Variants in MEF2A observed in about 807,000 individuals in gnomAD.
MEF2A encodes myocyte enhancer factor 2A.
Under a neutral mutation model 55.8 loss-of-function variants are expected in MEF2A, and 28 were observed. That is an observed-to-expected ratio of 0.50 (90% CI 0.37 to 0.69). The LOEUF is 0.69. Ranked by LOEUF, MEF2A falls within the 30% of genes least tolerant of loss-of-function variation. The pLI is 0.00. For missense variants in MEF2A, 528 were observed against 626.2 expected (o/e 0.84, Z 1.67); for synonymous variants, 239 against 227.1 (o/e 1.05, Z -0.47).
At chr15:99,654,863 AC>A (rs1257906438) in intron 4 of MEF2A, among the ~76,000 whole-genome samples, 1 of 152,018 alleles carries the variant, frequency 6.6e-6, no homozygotes, top group African/African-American at 2.4e-5. Context: ...CAACTGAAAA[AC>A]CTGAGTTTTT....
chr15:99,705,889 G>A (rs1404805906), intron 9 of MEF2A, among the ~76,000 whole-genome samples: 1 of 152,192 alleles, frequency 6.6e-6, no homozygotes, highest in Non-Finnish European at 1.5e-5. Context: ...AGTCTGTTGT[G>A]TTCCTCTGAT....
intron 2 of MEF2A, among the ~76,000 whole-genome samples, chr15:99,619,762 A>G (rs1386729607): frequency 6.6e-6 from 1 of 152,204 alleles, no homozygotes; most frequent in African/African-American, 2.4e-5. Flanking sequence ...TGGTACATAT[A>G]ATGCATATAA....
chr15:99,700,614 T>A (rs2057279966), intron 8 of MEF2A, among the ~76,000 whole-genome samples: 2 of 152,162 alleles, frequency 1.3e-5, no homozygotes, highest in Admixed American at 6.5e-5. Context: ...TAGCATCCAG[T>A]AACTGAACAT....
intron 8 of MEF2A, among the ~76,000 whole-genome samples, chr15:99,701,808 A>G (rs1197212654): frequency 1.3e-5 from 2 of 152,254 alleles, no homozygotes; most frequent in African/African-American, 2.4e-5. Context: ...CCTTTCAGGT[A>G]CTGGATATGC....
chr15:99,597,358 GCT>G, intron 1 of MEF2A, among the ~76,000 whole-genome samples: 1 of 152,030 alleles, frequency 6.6e-6, no homozygotes, highest in Admixed American at 6.6e-5. Context: ...CTCCCATAGC[GCT>G]CCCAGGCTCA....
chr15:99,658,917 C>T lies in MEF2A; in HGVS notation c.259-12406C>T, dbSNP rs370154250. On this transcript the variant is annotated intron_variant, in intron 4 of 11. Transcript: ENST00000557942. The stretch of plus-strand genomic sequence containing the variant: ...GGCTGCCATGGTAAGCAGTCTTCAT[C>T]GAATGACCAGATGATCTCTACAGTC... Among the ~76,000 whole-genome samples the T allele has an allele frequency of 4.6e-5, 7 of 151,856 alleles. No homozygotes were observed. In the East Asian group the frequency reaches 7.7e-4, roughly 17 times the overall value.
At chr15:99,592,116 G>A (rs1014499916) in intron 1 of MEF2A, among the ~76,000 whole-genome samples, 2 of 151,630 alleles carry the variant, frequency 1.3e-5, no homozygotes, top group African/African-American at 2.4e-5. Flanking sequence ...TCTTGCAGAC[G>A]TGTATGAACC....
intron 1 of MEF2A, among the ~76,000 whole-genome samples, chr15:99,569,434 T>A (rs567511971): frequency 6.6e-6 from 1 of 152,370 alleles, no homozygotes; most frequent in African/African-American, 2.4e-5. Context: ...TTAATGTGTT[T>A]GTTTTGGATA....
At chr15:99,670,242 CTG>C (rs904735111) in intron 4 of MEF2A, among the ~76,000 whole-genome samples, 27 of 152,220 alleles carry the variant, frequency 1.8e-4, no homozygotes, top group African/African-American at 5.5e-4. Context: ...AGAAAACCAA[CTG>C]TTTTTTGCAT....
At chr15:99,686,417 G>A (rs1307121182) in intron 7 of MEF2A, among the ~76,000 whole-genome samples, 1 of 152,130 alleles carries the variant, frequency 6.6e-6, no homozygotes, top group East Asian at 1.9e-4. Context: ...TGGCTTAGTA[G>A]TGGTGAATTC....
chr15:99,595,489 G>T (rs1970849923), intron 1 of MEF2A, among the ~76,000 whole-genome samples: 2 of 152,086 alleles, frequency 1.3e-5, no homozygotes, highest in Non-Finnish European at 2.9e-5. Context: ...CAGGAATAGG[G>T]ATAGGGATTG....
At chr15:99,648,030 A>G (rs2046259561) in intron 4 of MEF2A, among the ~76,000 whole-genome samples, 1 of 152,176 alleles carries the variant, frequency 6.6e-6, no homozygotes, top group African/African-American at 2.4e-5. Context: ...CCAGTAGTGT[A>G]ATGGCTTACG....
At chr15:99,690,652 C>A (rs545014708) in intron 8 of MEF2A, 6 of 642,030 alleles carry the variant, frequency 9.3e-6, no homozygotes, top group Non-Finnish European at 1.7e-5. Flanking sequence ...AAGCTAAATA[C>A]GAACGTGGTT....
chr15:99,630,994 A>G (rs150632098), intron 2 of MEF2A, among the ~76,000 whole-genome samples: 3 of 152,244 alleles, frequency 2.0e-5, no homozygotes, highest in East Asian at 1.9e-4. Flanking sequence ...GGTCTCACCT[A>G]TTTCTTCCAG....
intron 2 of MEF2A, among the ~76,000 whole-genome samples, chr15:99,625,176 A>G (rs2041866075): frequency 6.6e-6 from 1 of 152,150 alleles, no homozygotes; most frequent in African/African-American, 2.4e-5. Flanking sequence ...ATTTAACCCC[A>G]TCGTAAGTCA....
intron 1 of MEF2A, among the ~76,000 whole-genome samples, chr15:99,577,524 T>C (rs1271560837): frequency 2.0e-5 from 3 of 152,172 alleles, no homozygotes; most frequent in Non-Finnish European, 2.9e-5. Context: ...TTAACCTAGT[T>C]TCAGGAATGC....
At position 99,697,793 on chromosome 15, in the gene MEF2A, T is replaced by A. The variant is rs182238945; in HGVS notation, c.859-5569T>A. Among the ~76,000 whole-genome samples, 303 of 152,174 alleles carry A rather than the reference T, an allele frequency of 2.0e-3. 1 individual carries two copies. The highest frequency in any genetic ancestry group is 6.9e-3 in the African/African-American group (287 of 41,510). On this transcript the variant is annotated intron_variant, in intron 8 of 11. Coordinates refer to ENST00000557942, the MANE Select transcript of MEF2A (RefSeq NM_001319206.4). ...ATGATTTTAAGAAGGAACAAAATTT[T>A]AAAAAAATACTACTACTACCCGATT...
intron 2 of MEF2A, among the ~76,000 whole-genome samples, chr15:99,603,856 G>A (rs1213317917): frequency 6.6e-6 from 1 of 152,140 alleles, no homozygotes; most frequent in African/African-American, 2.4e-5. Context: ...AAAGAGAAGT[G>A]TTCAATATTC....
intron 1 of MEF2A, among the ~76,000 whole-genome samples, chr15:99,591,282 A>G (rs1295129180): frequency 1.3e-5 from 2 of 152,078 alleles, no homozygotes; most frequent in Non-Finnish European, 2.9e-5. Context: ...TCGGTGAAGA[A>G]TATTTCTGCT....
Sources: gnomAD v4.1 joint callset for allele counts (sites outside exome capture counted in the v4.1 genomes callset) on GRCh38, gnomAD v4.1.1 for gene constraint, MANE v1.5 for transcripts, NCBI Gene and HGNC (gene_info 2026-07-23, HGNC 2026-07-21) for gene names.